Variants in INPP4A observed in about 807,000 individuals in gnomAD.
The protein encoded by INPP4A is inositol polyphosphate-4-phosphatase, type I, 107kD.
INPP4A carries 33 observed loss-of-function variants against 119.8 expected under a neutral mutation model. The observed-to-expected ratio is 0.28, with a 90% CI of 0.21 to 0.37. The LOEUF (loss-of-function observed/expected upper bound fraction) is 0.37. Among genes scored for constraint, INPP4A ranks in the 10% least tolerant of loss-of-function variants. The probability of loss-of-function intolerance (pLI) is 1.00; values close to 1 mark genes in which losing one functional copy is unlikely to be tolerated. For synonymous variants in INPP4A, 496 were observed against 500.7 expected (o/e 0.99, Z 0.12); for missense variants, 956 against 1,289.9 (o/e 0.74, Z 3.97).
chr2:98,460,459 G>A (rs1696954370), intron 1 of INPP4A, among the ~76,000 whole-genome samples: 1 of 152,070 alleles, frequency 6.6e-6, no homozygotes, highest in Non-Finnish European at 1.5e-5. Context: ...TAAAGTTTGG[G>A]AATTCATTCA....
chr2:98,457,825 G>A (rs1355303701), intron 1 of INPP4A, among the ~76,000 whole-genome samples: 14 of 151,922 alleles, frequency 9.2e-5, no homozygotes, highest in Admixed American at 2.6e-4. Context: ...TTTTAGAGAC[G>A]GGGTCTCGCT....
intron 4 of INPP4A, among the ~76,000 whole-genome samples, chr2:98,523,032 G>A (rs999510072): frequency 1.3e-5 from 2 of 152,206 alleles, no homozygotes; most frequent in African/African-American, 2.4e-5. Flanking sequence ...CCTAAAGAGG[G>A]ACCACACTGA....
At chr2:98,500,850 C>G (rs759347018) in intron 1 of INPP4A, among the ~76,000 whole-genome samples, 18 of 152,146 alleles carry the variant, frequency 1.2e-4, no homozygotes, top group Non-Finnish European at 2.2e-4. Context: ...ACAGATGGGC[C>G]TAGAAGGTTC....
At chr2:98,524,589 A>G (rs1476376675) in intron 4 of INPP4A, among the ~76,000 whole-genome samples, 4 of 152,332 alleles carry the variant, frequency 2.6e-5, no homozygotes, top group Admixed American at 6.5e-5. Flanking sequence ...TCTGTCTGCC[A>G]TCATTACTGC....
chr2:98,477,960 A>G (rs957342706), intron 1 of INPP4A, among the ~76,000 whole-genome samples: 2 of 152,186 alleles, frequency 1.3e-5, no homozygotes, highest in African/African-American at 4.8e-5. Context: ...TCTGGCCTTT[A>G]AAATGGGACT....
intron 1 of INPP4A, among the ~76,000 whole-genome samples, chr2:98,502,075 G>A (rs949334732): frequency 6.6e-6 from 1 of 152,244 alleles, no homozygotes; most frequent in Non-Finnish European, 1.5e-5. Context: ...TTCCTAGTGG[G>A]TGTGCATCTG....
At position 98,564,785 on chromosome 2, in the gene INPP4A, C is replaced by T. The variant is rs372717208; in HGVS notation, c.2152+22C>T. 73 of 1,560,608 alleles carry T rather than the reference C, an allele frequency of 4.7e-5. 1 individual carries two copies. The highest frequency in any genetic ancestry group is 1.5e-4 in the African/African-American group (11 of 73,722). Reference sequence around the variant, plus strand: ...TACGGTGAGGCGCCCGGGCCAGGATCGGGAGCCCCACTTGCGTGTGTGGTT... The same window carrying T: ...TACGGTGAGGCGCCCGGGCCAGGATTGGGAGCCCCACTTGCGTGTGTGGTT... On this transcript the variant is annotated intron_variant, in intron 19 of 24. Transcript: ENST00000409851.
intron 1 of INPP4A, among the ~76,000 whole-genome samples, chr2:98,494,305 T>A (rs1341089664): frequency 6.6e-6 from 1 of 152,116 alleles, no homozygotes; most frequent in Non-Finnish European, 1.5e-5. Flanking sequence ...AGGGCAGAGG[T>A]TCTACCTGAG....
Position 98,577,075 on chromosome 2 carries a change from C to T in INPP4A, c.2718C>T (p.Cys906=). Residue 906 remains cysteine (C), a synonymous_variant, in exon 24 of 25, where the codon TGC becomes TGT. Transcript: ENST00000409851. The part of the protein sequence containing the change: ...RTAMSVTLEQ[C]LILQHEHGMA... ...CCATGTCGGTGACACTGGAGCAGTGCCTGATCCTGCAACACGAGCATGGCA... is the reference window on the plus strand; with the variant it reads ...CCATGTCGGTGACACTGGAGCAGTGTCTGATCCTGCAACACGAGCATGGCA... 1 of 1,613,938 alleles carries T rather than the reference C, an allele frequency of 6.2e-7. No individual in the cohort carries two copies. Among genetic ancestry groups the T allele is most frequent in the East Asian group, 2.2e-5 (1 of 44,872 alleles).
chr2:98,552,702 T>A, intron 13 of INPP4A, 84 bp from the exon 14 acceptor site: 1 of 1,086,522 alleles, frequency 9.2e-7, no homozygotes, highest in South Asian at 1.3e-5. Context: ...CATCTTAGGG[T>A]CAATTGTGGC....
chr2:98,477,193 G>A (rs1038905536), intron 1 of INPP4A, among the ~76,000 whole-genome samples: 15 of 152,246 alleles, frequency 9.9e-5, no homozygotes, highest in African/African-American at 3.4e-4. Context: ...CCCTGGGGAC[G>A]TGTAGCGTGG....
chr2:98,540,821 C>T (rs2106011566), intron 10 of INPP4A, among the ~76,000 whole-genome samples: 1 of 152,332 alleles, frequency 6.6e-6, no homozygotes, highest in South Asian at 2.1e-4. Flanking sequence ...GGTCCCACTT[C>T]TCAAAACTGT....
At position 98,555,548 on chromosome 2, in the gene INPP4A, G is replaced by T. The variant is rs1694303983; in HGVS notation, c.1567-5G>T. On this transcript the variant is annotated splice_region_variant and splice_polypyrimidine_tract_variant and intron_variant, in intron 15 of 24. Transcript: ENST00000409851. ...TGACCCACATGGGCCCCTTTGATTTGGAAGGAGAAAGTGTGGCTGAACGTG... is the reference window on the plus strand; with the variant it reads ...TGACCCACATGGGCCCCTTTGATTTTGAAGGAGAAAGTGTGGCTGAACGTG... 2 of 1,591,180 alleles carry T rather than the reference G, an allele frequency of 1.3e-6. No individual in the cohort carries two copies. The highest frequency in any genetic ancestry group is 2.7e-5 in the African/African-American group (2 of 74,486).
chr2:98,541,591 T>A (rs1311123755), intron 10 of INPP4A, among the ~76,000 whole-genome samples: 1 of 152,226 alleles, frequency 6.6e-6, no homozygotes, highest in Non-Finnish European at 1.5e-5. Flanking sequence ...ATTCATTTTT[T>A]GTTAGCTTGA....
intron 1 of INPP4A, among the ~76,000 whole-genome samples, chr2:98,517,454 A>G (rs138621081): frequency 1.3e-3 from 196 of 152,150 alleles, no homozygotes; most frequent in African/African-American, 4.4e-3. Flanking sequence ...GCGGGTGACT[A>G]TTTACGCTCT....
chr2:98,496,546 T>A (rs1032722507), intron 1 of INPP4A, among the ~76,000 whole-genome samples: 3 of 152,148 alleles, frequency 2.0e-5, no homozygotes, highest in Non-Finnish European at 4.4e-5. Context: ...GCTAAAAAGC[T>A]TCTGCACAGC....
chr2:98,521,822 G>C (rs902131047), intron 4 of INPP4A: 7 of 151,848 alleles, frequency 4.6e-5, no homozygotes, highest in African/African-American at 1.7e-4. Context: ...TGTATTGCCA[G>C]CTACTAAGGA....
chr2:98,511,953 TC>T (rs908521170), intron 1 of INPP4A, among the ~76,000 whole-genome samples: 3 of 152,180 alleles, frequency 2.0e-5, no homozygotes, highest in African/African-American at 7.2e-5. Flanking sequence ...GGTGAAAAGT[TC>T]CGGTTGGAGG....
rs1259893907 is a variant in INPP4A, at chr2:98,574,162, G to A, written c.2631+1235G>A. The stretch of plus-strand genomic sequence containing the variant: ...TGCTTGCTCAGGCCAGGCCCAGCAA[G>A]CGGGGTGTAGGGCAGGGCACACACT... On this transcript the variant is annotated intron_variant, in intron 23 of 24. Coordinates refer to ENST00000409851, the MANE Select transcript of INPP4A (RefSeq NM_001134225.2). 2.0e-5 allele frequency among the ~76,000 whole-genome samples: 3 copies of A among 152,292 alleles called. No individual in the cohort carries two copies. The South Asian group carries it at 6.2e-4, about 32-fold the overall frequency.
Sources: allele counts gnomAD v4.1 joint callset (sites outside exome capture counted in the v4.1 genomes callset), GRCh38; gene constraint gnomAD v4.1.1; transcripts MANE v1.5; gene names NCBI Gene and HGNC (gene_info 2026-07-23, HGNC 2026-07-21).